RAD51B: variants seen among roughly 807,000 people sequenced by gnomAD.
RAD51B encodes the protein RAD51 paralog B.
Under a neutral mutation model 42.2 loss-of-function variants are expected in RAD51B, and 38 were observed. The ratio of observed to expected loss-of-function variants is 0.90; its 90% CI spans 0.70 to 1.18. The LOEUF (loss-of-function observed/expected upper bound fraction) is 1.18. RAD51B is among the 50% of genes most tolerant of loss of function. RAD51B has a pLI of 0.00. For synonymous variants in RAD51B, 154 were observed against 145.2 expected, an observed-to-expected ratio of 1.06 and a Z score of -0.43; for missense variants, 373 against 400.7, an observed-to-expected ratio of 0.93 and a Z score of 0.59.
At chr14:68,341,505 C>A (rs1043843672) in intron 8 of RAD51B, among the ~76,000 whole-genome samples, 1 of 152,036 alleles carries the variant, frequency 6.6e-6, no homozygotes, top group East Asian at 1.9e-4. Flanking sequence ...GTGACAGATC[C>A]AGTGGAATTT....
downstream of RAD51B, among the ~76,000 whole-genome samples, chr14:68,478,992 C>T (rs1048764134): frequency 2.6e-5 from 4 of 152,114 alleles, no homozygotes; most frequent in Admixed American, 2.0e-4. Flanking sequence ...ATCCAAGCCC[C>T]GGGCAGCAAG....
chr14:68,425,991 C>A (rs56023788), intron 9 of RAD51B, among the ~76,000 whole-genome samples: 1 of 74,018 alleles, frequency 1.4e-5, no homozygotes, highest in Non-Finnish European at 2.5e-5. Flanking sequence ...TTCCTTCCTT[C>A]CTTCCTTCCT....
At chr14:67,939,747 C>G (rs1301808350) in intron 7 of RAD51B, among the ~76,000 whole-genome samples, 1 of 151,922 alleles carries the variant, frequency 6.6e-6, no homozygotes, top group Non-Finnish European at 1.5e-5. Flanking sequence ...TGGCTGTTCC[C>G]ATCACAGGGA....
chr14:68,381,593 G>T (rs975664918), intron 8 of RAD51B, among the ~76,000 whole-genome samples: 2 of 152,108 alleles, frequency 1.3e-5, no homozygotes, highest in South Asian at 2.1e-4. Flanking sequence ...GGAGAATGGC[G>T]TGAACCCAGG....
chr14:68,671,776 C>T (rs1397562049), intron 11 of RAD51B, among the ~76,000 whole-genome samples: 1 of 151,638 alleles, frequency 6.6e-6, no homozygotes. Flanking sequence ...GTGCTCTGAA[C>T]ACTGTAGGGC....
chr14:67,994,259 G>C (rs36069478), intron 7 of RAD51B, among the ~76,000 whole-genome samples: 1,565 of 151,640 alleles, frequency 0.01, 28 homozygotes, highest in African/African-American at 0.037. Context: ...TTTTCTCTTA[G>C]ATAAATATTT....
chr14:68,197,710 T>G (rs1230601140), intron 7 of RAD51B, among the ~76,000 whole-genome samples: 1 of 152,166 alleles, frequency 6.6e-6, no homozygotes, highest in Non-Finnish European at 1.5e-5. Context: ...TGCACTGTAA[T>G]TTTAATTTTG....
At chr14:68,174,408 A>T in intron 7 of RAD51B, among the ~76,000 whole-genome samples, 1 of 152,112 alleles carries the variant, frequency 6.6e-6, no homozygotes, top group East Asian at 1.9e-4. Context: ...AAGTGGTTAT[A>T]AGAACCATAG....
intron 10 of RAD51B, among the ~76,000 whole-genome samples, chr14:68,647,823 C>G (rs1892592268): frequency 6.6e-6 from 1 of 151,848 alleles, no homozygotes; most frequent in Non-Finnish European, 1.5e-5. Flanking sequence ...GAATTACAGG[C>G]ATGCACCACC....
chr14:68,450,004 G>A (rs2085515912), intron 9 of RAD51B, among the ~76,000 whole-genome samples: 1 of 152,028 alleles, frequency 6.6e-6, no homozygotes, highest in East Asian at 1.9e-4. Context: ...TGGAAAGGAG[G>A]GGAAAAAACG....
intron 7 of RAD51B, among the ~76,000 whole-genome samples, chr14:68,233,849 A>G (rs932431518): frequency 1.3e-5 from 2 of 152,230 alleles, no homozygotes; most frequent in African/African-American, 4.8e-5. Flanking sequence ...GAATTGTAGT[A>G]GAAAATGAGC....
chr14:68,159,741 T>C (rs1028105022), intron 7 of RAD51B, among the ~76,000 whole-genome samples: 2 of 152,202 alleles, frequency 1.3e-5, no homozygotes, highest in African/African-American at 4.8e-5. Context: ...TTTTAACATA[T>C]TATGCCATTT....
chr14:67,901,350 G>A (rs2140092694), intron 7 of RAD51B, among the ~76,000 whole-genome samples: 1 of 152,324 alleles, frequency 6.6e-6, no homozygotes, highest in East Asian at 1.9e-4. Context: ...CCTAAGTTGG[G>A]ATGGTCCCTT....
At chr14:68,617,967 T>C (rs537195358) in intron 10 of RAD51B, among the ~76,000 whole-genome samples, 1 of 152,224 alleles carries the variant, frequency 6.6e-6, no homozygotes, top group South Asian at 2.1e-4. Context: ...GCAAAAATCT[T>C]AAGAACAGGT....
chr14:67,998,555 C>T (rs1378200780), intron 7 of RAD51B, among the ~76,000 whole-genome samples: 1 of 152,122 alleles, frequency 6.6e-6, no homozygotes, highest in East Asian at 1.9e-4. Context: ...AGTTGATATA[C>T]TAGAGCAATG....
At chr14:67,889,526 TAAAA>T (rs1156282222) in intron 7 of RAD51B, among the ~76,000 whole-genome samples, 3 of 148,066 alleles carry the variant, frequency 2.0e-5, no homozygotes, top group Non-Finnish European at 4.5e-5. Flanking sequence ...TATATAAAAA[TAAAA>T]AATATATATA....
intron 8 of RAD51B, among the ~76,000 whole-genome samples, chr14:68,410,503 C>T (rs2084388251): frequency 6.6e-6 from 1 of 152,134 alleles, no homozygotes; most frequent in Admixed American, 6.5e-5. Context: ...CTGTGCCCTC[C>T]TAAGGTTAGG....
Position 68,464,053 on chromosome 14 carries a change from C to G in RAD51B, c.958-4119C>G, listed in dbSNP as rs962068280. 2.0e-5 allele frequency among the ~76,000 whole-genome samples: 3 copies of G among 152,218 alleles called. No individual in the cohort carries two copies. In the East Asian group the frequency reaches 5.8e-4, roughly 29 times the overall value. On this transcript the variant is annotated intron_variant, in intron 9 of 10. Transcript: ENST00000471583. The stretch of plus-strand genomic sequence containing the variant: ...TGTTCCATAATGAATCATTGGTGCT[C>G]TGTTCTCAAGGACAAGGCATTTCAT...
rs981632357 is a variant in RAD51B at position 67,857,861 on chromosome 14, T to C, written c.316-7142T>C. The C allele has an allele frequency of 2.0e-5, 3 of 152,552 alleles. No homozygotes were observed. In the East Asian group the frequency reaches 5.8e-4, roughly 29 times the overall value. 9.4% of individuals were successfully genotyped at this position (152,552 alleles called of 1,614,324 possible). A position where few individuals can be genotyped will look rare whatever the true frequency, so the allele number is the denominator to read the frequency against. On this transcript the variant is annotated intron_variant, in intron 4 of 10. Coordinates refer to ENST00000471583, the MANE Select transcript of RAD51B (RefSeq NM_133510.4). ...GATCTGGCTGGCTGTTCCAGGCACT[T>C]GCAGGAGCAAGCTTCATGTGCTGGT...
Sources: gnomAD v4.1 joint callset for allele counts (sites outside exome capture counted in the v4.1 genomes callset) on GRCh38, gnomAD v4.1.1 for gene constraint, MANE v1.5 for transcripts, NCBI Gene and HGNC (gene_info 2026-07-23, HGNC 2026-07-21) for gene names.